The following TFB2M variants were observed in gnomAD, a reference collection of about 807,000 sequenced individuals.
The protein encoded by TFB2M is transcription factor B2, mitochondrial.
A neutral mutation model predicts 41.3 loss-of-function variants in TFB2M; 44 were observed. The observed-to-expected ratio is 1.07, with a 90% CI of 0.84 to 1.37. TFB2M has a LOEUF of 1.37. Ranked by LOEUF, TFB2M falls within the 40% of genes most tolerant of loss-of-function variation. The pLI, the probability that TFB2M is intolerant of heterozygous loss-of-function variation, is 0.00. For synonymous variants in TFB2M, 188 were observed against 176.8 expected, an observed-to-expected ratio of 1.06 and a Z score of -0.50; for missense variants, 496 against 490.2, an observed-to-expected ratio of 1.01 and a Z score of -0.11.
intron 3 of TFB2M, 81 bp from the exon 4 acceptor site, chr1:246,556,802 A>C: frequency 1.7e-6 from 2 of 1,143,660 alleles, no homozygotes; most frequent in Non-Finnish European, 2.4e-6. Context: ...AGACAAACTA[A>C]GTTAACAAAC....
intron 2 of TFB2M, among the ~76,000 whole-genome samples, chr1:246,559,771 T>C (rs916526170): frequency 6.6e-6 from 1 of 152,104 alleles, no homozygotes; most frequent in Admixed American, 6.6e-5. Context: ...GATATAAATG[T>C]GTGGGAATTT....
intron 6 of TFB2M, among the ~76,000 whole-genome samples, chr1:246,546,986 T>TCACACACACACAC (rs1558509718): frequency 8.4e-5 from 7 of 83,816 alleles, no homozygotes; most frequent in Non-Finnish European, 1.2e-4. Context: ...CACACACATT[T>TCACACACACACAC]TTTTTTTTTT....
intron 2 of TFB2M, among the ~76,000 whole-genome samples, chr1:246,561,204 G>T (rs1052928487): frequency 6.6e-6 from 1 of 152,052 alleles, no homozygotes; most frequent in African/African-American, 2.4e-5. Flanking sequence ...CATAACAATG[G>T]TTACTAAAAA....
rs750456192 is a variant in TFB2M at position 246,566,168 on chromosome 1, TCAC to T, written c.-33_-31del. 1 of 1,590,770 alleles carries T rather than the reference TCAC, an allele frequency of 6.3e-7. No homozygotes were observed. The highest frequency in any genetic ancestry group is 1.1e-5 in the South Asian group (1 of 89,956). ...TTGTCTCTCAGGCCCGCTCCAAGAATCACCTAGTGCAGCTACTACAGTGAACCC... is the reference window on the plus strand; with the variant it reads ...TTGTCTCTCAGGCCCGCTCCAAGAATCTAGTGCAGCTACTACAGTGAACCC... On this transcript the variant is annotated 5_prime_UTR_variant, in exon 1 of 8. Coordinates refer to ENST00000366514, the MANE Select transcript of TFB2M (RefSeq NM_022366.3).
intron 4 of TFB2M, among the ~76,000 whole-genome samples, chr1:246,553,082 CAT>C (rs1354894197): frequency 2.0e-5 from 3 of 151,946 alleles, no homozygotes; most frequent in African/African-American, 7.2e-5. Flanking sequence ...AGTAGCTGGG[CAT>C]GGTGGCGCGT....
Position 246,541,262 on chromosome 1 carries a change from G to A in TFB2M, c.1020-60C>T, listed in dbSNP as rs534900037. ...CTTTCTCATGCATCTATCAGTTCAC[G>A]GTGACAGAAATGGCTTCTAAGTTGA... On this transcript the variant is annotated intron_variant, in intron 7 of 7. Transcript: ENST00000366514. 2.1e-5 allele frequency: 32 copies of A among 1,509,458 alleles called. No individual in the cohort carries two copies. The African/African-American group carries it at 2.8e-4, about 13-fold the overall frequency. 93.5% of individuals were successfully genotyped at this position (1,509,458 alleles called of 1,614,324 possible).
In TFB2M at chr1:246,564,375, T is replaced by C. The variant is rs567380020; in HGVS notation, c.373A>G (p.Ser125Gly). The change falls in exon 2 of 8, where the codon AGT becomes GGT. Residue 125 changes from serine (S) to glycine (G), a missense_variant. By Grantham distance (56) the Ser-to-Gly change is moderately conservative. Coordinates refer to ENST00000366514, the MANE Select transcript of TFB2M (RefSeq NM_022366.3). Reference sequence around the variant, plus strand: ...AAATGTGGAATAAAAGTTTTGTCACTTTCGAGCGCAACCACTTTGGCACCA... The same window carrying C: ...AAATGTGGAATAAAAGTTTTGTCACCTTCGAGCGCAACCACTTTGGCACCA... The part of the protein sequence containing the change: ...EAGAKVVALE[S>G]DKTFIPHLES... The C allele has an allele frequency of 4.4e-4, 711 of 1,614,214 alleles. 15 individuals are homozygous for C. The South Asian group carries it at 7.5e-3, about 17-fold the overall frequency.
chr1:246,548,901 T>G (rs747179185), intron 5 of TFB2M, among the ~76,000 whole-genome samples: 10 of 152,254 alleles, frequency 6.6e-5, no homozygotes, highest in Non-Finnish European at 1.2e-4. Flanking sequence ...CCACTCAATA[T>G]TTCCATATCA....
chr1:246,543,215 C>T (rs1046816129), intron 7 of TFB2M, among the ~76,000 whole-genome samples: 15 of 88,242 alleles, frequency 1.7e-4, no homozygotes, highest in South Asian at 2.7e-4. Flanking sequence ...GTCAACAGCT[C>T]ATTCAGAGTT....
At chr1:246,544,901 G>A (rs558511975) in intron 6 of TFB2M, among the ~76,000 whole-genome samples, 30 of 152,200 alleles carry the variant, frequency 2.0e-4, no homozygotes, top group Middle Eastern at 3.4e-3. Context: ...CATCTCCCGG[G>A]TTCATGCCAT....
At chr1:246,546,964 T>C (rs867412687) in intron 6 of TFB2M, among the ~76,000 whole-genome samples, 1,742 of 74,768 alleles carry the variant, frequency 0.023, 50 homozygotes, top group African/African-American at 0.056. Flanking sequence ...TATATGTATA[T>C]ATACACACAC....
At chr1:246,563,106 C>A (rs1267873730) in intron 2 of TFB2M, among the ~76,000 whole-genome samples, 1 of 151,970 alleles carries the variant, frequency 6.6e-6, no homozygotes, top group Non-Finnish European at 1.5e-5. Flanking sequence ...ACACAGCATC[C>A]CAGGAGACTG....
chr1:246,545,006 C>CTG, intron 6 of TFB2M, among the ~76,000 whole-genome samples: 1 of 151,734 alleles, frequency 6.6e-6, no homozygotes, highest in Non-Finnish European at 1.5e-5. Context: ...GGGGTTTCAC[C>CTG]GTGTTAGCCA....
intron 5 of TFB2M, among the ~76,000 whole-genome samples, chr1:246,549,901 C>T (rs375102899): frequency 7.9e-5 from 12 of 152,228 alleles, no homozygotes; most frequent in East Asian, 7.7e-4. Flanking sequence ...ACTTCCCACA[C>T]GCCTGGTCGA....
At chr1:246,542,114 T>C (rs2340790) in intron 7 of TFB2M, among the ~76,000 whole-genome samples, 111,181 of 151,950 alleles carry the variant, frequency 0.73, 41,088 homozygotes, top group East Asian at 1. Context: ...TGTAACACAA[T>C]GGTAAGTAAT....
At chr1:246,555,788 T>C (rs970806363) in intron 4 of TFB2M, among the ~76,000 whole-genome samples, 5 of 151,602 alleles carry the variant, frequency 3.3e-5, no homozygotes, top group African/African-American at 1.2e-4. Context: ...GTAGTATATA[T>C]ATACAATAGA....
chr1:246,565,736 C>A (rs1007212835), intron 1 of TFB2M, 90 bp downstream of exon 1: 3 of 1,365,608 alleles, frequency 2.2e-6, no homozygotes, highest in South Asian at 2.8e-5. Flanking sequence ...CAAAAAAGAC[C>A]CCCCAGTATC....
intron 7 of TFB2M, among the ~76,000 whole-genome samples, chr1:246,543,307 C>G (rs1162065648): frequency 1.3e-5 from 2 of 152,106 alleles, no homozygotes; most frequent in African/African-American, 4.8e-5. Flanking sequence ...TGACTATGGG[C>G]TGCTGATTAC....
At chr1:246,552,141 G>A (rs989390635) in intron 4 of TFB2M, among the ~76,000 whole-genome samples, 2 of 152,086 alleles carry the variant, frequency 1.3e-5, no homozygotes, top group African/African-American at 4.8e-5. Context: ...TGGGTGCAGT[G>A]GTGTGCACAT....
Sources: allele counts gnomAD v4.1 joint callset (sites outside exome capture counted in the v4.1 genomes callset), GRCh38; gene constraint gnomAD v4.1.1; transcripts MANE v1.5; gene names NCBI Gene and HGNC (gene_info 2026-07-23, HGNC 2026-07-21).